Variants in ZNF142 observed in about 807,000 individuals in gnomAD.
The protein encoded by ZNF142 is zinc finger protein 142, also known as zinc finger protein 142 (clone pHZ-49).
ZNF142 carries 96 observed loss-of-function variants against 132.1 expected under a neutral mutation model. The ratio of observed to expected loss-of-function variants is 0.73; its 90% CI spans 0.62 to 0.86. The LOEUF is 0.86. Ranked by LOEUF, ZNF142 falls within the 40% of genes least tolerant of loss-of-function variation. The pLI is 0.00. For missense variants in ZNF142, 2,163 were observed against 2,336.2 expected (o/e 0.93, Z 1.53); for synonymous variants, 842 against 890.1 (o/e 0.95, Z 0.96).
chr2:218,646,343 T>A lies in ZNF142; in HGVS notation c.1879A>T (p.Lys627Ter). 1 of 1,614,110 alleles carries A rather than the reference T, an allele frequency of 6.2e-7. No individual in the cohort carries two copies. The highest frequency in any genetic ancestry group is 8.5e-7 in the Non-Finnish European group (1 of 1,180,004). ...TCACACAGCTCACACTTGTGGGGCT[T>A]CTCACCTTATATGGGGGATGCGGAT... is the stretch of plus-strand genomic sequence containing the variant. Reference protein sequence around the residue: ...IRHMLLHTGEKPHKCELCDFT... With the variant: ...IRHMLLHTGE Residue 627 changes from lysine (K) to a stop codon, truncating the protein, a stop_gained, in exon 8 of 11, where the codon AAG becomes TAG. Transcript: ENST00000411696. LOFTEE classifies it high-confidence loss of function.
At position 218,638,744 on chromosome 2, in the gene ZNF142, C is replaced by T; in HGVS notation, c.5259G>A (p.Val1753=). ...CTTCTCGATGCCGGGTCTCCTGGTG[C>T]ACACGCAGTGCATCAGCCCGGTTGG... is the stretch of plus-strand genomic sequence containing the variant. ...YCTNRADALR[V]HQETRHREAR... is the part of the protein sequence containing the mutation. The change falls in exon 11 of 11, where the codon GTG becomes GTA. Residue 1753 remains valine, a synonymous_variant. Coordinates refer to ENST00000411696, the MANE Select transcript of ZNF142 (RefSeq NM_001379659.1). 6.2e-7 allele frequency: 1 copy of T among 1,612,484 alleles called. No homozygotes were observed. Among genetic ancestry groups the T allele is most frequent in the Non-Finnish European group, 8.5e-7 (1 of 1,180,020 alleles).
chr2:218,646,312 G>A lies in ZNF142; in HGVS notation c.1910C>T (p.Thr637Ile). ...KPHKCELCDF[T>I]CRDVSYLSKH... ...GGATAGGTAGCTCACGTCTCGGCAT[G>A]TGAAGTCACACAGCTCACACTTGTG... Residue 637 changes from threonine (T) to isoleucine (I), a missense_variant, in exon 8 of 11, where the codon ACA (threonine) becomes ATA (isoleucine). By Grantham distance (89) the Thr-to-Ile change is moderately conservative. This residue lies in a region of ZNF142 where 749 missense variants were observed against 830.3 expected (regional missense o/e 0.90). Coordinates refer to ENST00000411696, the MANE Select transcript of ZNF142 (RefSeq NM_001379659.1). 1 of 1,614,232 alleles carries A rather than the reference G, an allele frequency of 6.2e-7. No homozygotes were observed. The highest frequency in any genetic ancestry group is 8.5e-7 in the Non-Finnish European group (1 of 1,180,040).
chr2:218,646,048 C>A, intron 8 of ZNF142, 123 bp downstream of exon 8: 2 of 1,358,744 alleles, frequency 1.5e-6, no homozygotes, highest in Non-Finnish European at 2.0e-6. Context: ...CCATTGCACC[C>A]GGCCTTAGGA....
chr2:218,650,117 C>T (rs996456787), intron 6 of ZNF142, among the ~76,000 whole-genome samples: 2 of 152,226 alleles, frequency 1.3e-5, no homozygotes, highest in Non-Finnish European at 2.9e-5. Context: ...CTAGAGTTTT[C>T]TGCCTGAGGA....
rs1429729189 is a variant in ZNF142, at chr2:218,643,884, G to A, written c.3232C>T (p.Gln1078Ter). 2 of 1,614,064 alleles carry A rather than the reference G, an allele frequency of 1.2e-6. No individual in the cohort carries two copies. The highest frequency in any genetic ancestry group is 1.3e-5 in the African/African-American group (1 of 74,918). Reference protein sequence around the residue: ...CPECGASFKQQRGLSTHLLKK... With the variant: ...CPECGASFKQ Reference sequence around the variant, plus strand: ...AGCAGGTGGGTGCTGAGGCCGCGTTGTTGCTTGAAGCTAGCCCCACACTCG... The same window carrying A: ...AGCAGGTGGGTGCTGAGGCCGCGTTATTGCTTGAAGCTAGCCCCACACTCG... The change falls in exon 9 of 11, where the codon CAA becomes TAA. Residue 1078 changes from glutamine (Q) to a stop codon, truncating the protein, a stop_gained. Coordinates refer to ENST00000411696, the MANE Select transcript of ZNF142 (RefSeq NM_001379659.1). LOFTEE classifies it high-confidence loss of function.
chr2:218,636,427 C>T lies in ZNF142; in HGVS notation c.*1912G>A. The T allele has an allele frequency of 6.2e-7, 1 of 1,614,012 alleles. No homozygotes were observed. The highest frequency in any genetic ancestry group is 1.3e-5 in the African/African-American group (1 of 75,060). On this transcript the variant is annotated 3_prime_UTR_variant, in exon 11 of 11. Transcript: ENST00000411696. ...CCCCTTTGGCCCCTGGCCAATACCC[C>T]AGCTCTGGCTGCCTTCCTAATGCTG...
At position 218,646,210 on chromosome 2, in the gene ZNF142, T is replaced by C. The variant is rs757693775; in HGVS notation, c.2012A>G (p.Tyr671Cys). Residue 671 changes from tyrosine to cysteine, a missense_variant, in exon 8 of 11, where the codon TAC becomes TGC. Tyr to Cys is a radical substitution (Grantham distance 194). Around this residue, in one of 7 missense-constraint regions of ZNF142, gnomAD observed 749 missense variants for 830.3 expected, o/e 0.90. Transcript: ENST00000411696. ...ATGTTTTCGCATGTGCACACGGAGGTAGTGCTTCCACTTGGTGACATAGCC... is the reference window on the plus strand; with the variant it reads ...ATGTTTTCGCATGTGCACACGGAGGCAGTGCTTCCACTTGGTGACATAGCC... ...ECGYVTKWKH[Y>C]LRVHMRKHAG... The C allele has an allele frequency of 3.1e-6, 5 of 1,614,050 alleles. No homozygotes were observed. The highest frequency in any genetic ancestry group is 3.4e-6 in the Non-Finnish European group (4 of 1,180,010).
Position 218,650,422 on chromosome 2 carries a change from T to C in ZNF142, c.985A>G (p.Ser329Gly). The stretch of plus-strand genomic sequence containing the variant: ...TTTTGGGAGTCCTTCTGGGTGTCAC[T>C]CTTCTCTTCTTTCTCTACATTCTCC... ...EEENVEKEEK[S>G]DTQKDSQKAV... Residue 329 changes from serine to glycine, a missense_variant, in exon 6 of 11, where the codon AGT becomes GGT. By Grantham distance (56) the Ser-to-Gly change is moderately conservative. Coordinates refer to ENST00000411696, the MANE Select transcript of ZNF142 (RefSeq NM_001379659.1). The C allele has an allele frequency of 1.9e-6, 3 of 1,614,220 alleles. No individual in the cohort carries two copies. The highest frequency in any genetic ancestry group is 2.5e-6 in the Non-Finnish European group (3 of 1,180,032).
At position 218,644,416 on chromosome 2, in the gene ZNF142, C is replaced by T; in HGVS notation, c.2700G>A (p.Leu900=). Residue 900 remains leucine, a synonymous_variant, in exon 9 of 11, where the codon CTG becomes CTA. Coordinates refer to ENST00000411696, the MANE Select transcript of ZNF142 (RefSeq NM_001379659.1). This position sits in a 1 kb window ranked among gnomAD's most constrained non-coding sequence, Gnocchi z 4.6. ...EGSCTLHLEA[L]GVELESVTEP... is the part of the protein sequence containing the mutation. ...CAGTCACAGACTCCAGCTCTACTCC[C>T]AGGGCCTCTAGGTGTAGTGTGCAGC... is the stretch of plus-strand genomic sequence containing the variant. 6.2e-7 allele frequency: 1 copy of T among 1,614,136 alleles called. No individual in the cohort carries two copies. Among genetic ancestry groups the T allele is most frequent in the Non-Finnish European group, 8.5e-7 (1 of 1,179,994 alleles).
At position 218,645,054 on chromosome 2, in the gene ZNF142, T is replaced by C. The variant is rs551820905; in HGVS notation, c.2062A>G (p.Asn688Asp). Residue 688 changes from asparagine (N) to aspartate (D), a missense_variant, in exon 9 of 11, where the codon AAC becomes GAC. By Grantham distance (23) the Asn-to-Asp change is conservative (BLOSUM62 1). This residue lies in a region of ZNF142 where 749 missense variants were observed against 830.3 expected (regional missense o/e 0.90). Transcript: ENST00000411696. ...KHAGDLRYQC[N>D]QCSYRCHRAD... Reference sequence around the variant, plus strand: ...CGGTGACAGCGATAGGAGCACTGGTTGCACTGATACCTGGCAAGGAGGGAA... The same window carrying C: ...CGGTGACAGCGATAGGAGCACTGGTCGCACTGATACCTGGCAAGGAGGGAA... The C allele has an allele frequency of 6.2e-7, 1 of 1,608,000 alleles. No individual in the cohort carries two copies. Among genetic ancestry groups the C allele is most frequent in the South Asian group, 1.1e-5 (1 of 91,032 alleles).
At position 218,643,816 on chromosome 2, in the gene ZNF142, G is replaced by A. The variant is rs1439355025; in HGVS notation, c.3300C>T (p.Pro1100=). ...PVLLRKNKGL[P]RPDSPIPLQP... ...GCAGAGGGATGGGTGAATCTGGTCTGGGCAAGCCCTTGTTCTTTCTGAGTA... is the reference window on the plus strand; with the variant it reads ...GCAGAGGGATGGGTGAATCTGGTCTAGGCAAGCCCTTGTTCTTTCTGAGTA... The change falls in exon 9 of 11, where the codon CCC becomes CCT. Residue 1100 remains proline (P), a synonymous_variant. Transcript: ENST00000411696. The A allele has an allele frequency of 2.5e-6, 4 of 1,612,696 alleles. No homozygotes were observed. Among genetic ancestry groups the A allele is most frequent in the Middle Eastern group, 1.7e-4 (1 of 6,060 alleles).
In ZNF142 at chr2:218,635,723, C is replaced by A; in HGVS notation, c.*2616G>T. ...TACAAACCAAAAAGCTTCTTCTCCC[C>A]TGGGGTTGGGAGTAGGGTCGGGTGG... On this transcript the variant is annotated 3_prime_UTR_variant, in exon 11 of 11. Coordinates refer to ENST00000411696, the MANE Select transcript of ZNF142 (RefSeq NM_001379659.1). The A allele has an allele frequency of 6.5e-7, 1 of 1,533,812 alleles. No individual in the cohort carries two copies. Among genetic ancestry groups the A allele is most frequent in the South Asian group, 1.2e-5 (1 of 81,456 alleles).
At chr2:218,652,363 A>C (rs547764141) in intron 4 of ZNF142, 63 bp from the exon 5 acceptor site, 21 of 452,324 alleles carry the variant, frequency 4.6e-5, no homozygotes, top group South Asian at 3.0e-4. Context: ...CATAGGAGTT[A>C]GTTACTAGTA....
Position 218,644,185 on chromosome 2 carries a change from G to A in ZNF142, c.2931C>T (p.Asn977=). ...TTGTCTTGAAGGTTCCTACCCAGTTGTTAGGAGCCTCCTCTAAGGATGGAG... is the reference window on the plus strand; with the variant it reads ...TTGTCTTGAAGGTTCCTACCCAGTTATTAGGAGCCTCCTCTAAGGATGGAG... ...TNPPSLEEAP[N]NWVGTFKTTP... The change falls in exon 9 of 11, where the codon AAC becomes AAT. Residue 977 remains asparagine (N), a synonymous_variant. Transcript: ENST00000411696. This position sits in a 1 kb window ranked among gnomAD's most constrained non-coding sequence, Gnocchi z 4.6. The A allele has an allele frequency of 1.2e-6, 2 of 1,614,110 alleles. No individual in the cohort carries two copies.
rs770216957 is a variant in ZNF142, at chr2:218,644,647, G to A, written c.2469C>T (p.Pro823=). ...EPEGAMQGPT[P]PPDSEPSNQL... ...GGTTTGAGGGCTCTGAATCTGGTGGGGGTGTTGGGCCCTGCATGGCCCCTT... is the reference window on the plus strand; with the variant it reads ...GGTTTGAGGGCTCTGAATCTGGTGGAGGTGTTGGGCCCTGCATGGCCCCTT... Residue 823 remains proline (P), a synonymous_variant, in exon 9 of 11, where the codon CCC becomes CCT. Transcript: ENST00000411696. The surrounding 1 kb of genome is among the most constrained non-coding windows in gnomAD (Gnocchi z 4.6). 1 of 1,614,232 alleles carries A rather than the reference G, an allele frequency of 6.2e-7. No individual in the cohort carries two copies. Among genetic ancestry groups the A allele is most frequent in the South Asian group, 1.1e-5 (1 of 91,090 alleles).
chr2:218,656,325 T>A lies in ZNF142; in HGVS notation c.105A>T (p.Gly35=), dbSNP rs1559307366. ...AGGGGCTCTGGACAGGCCCCAGGAT[T>A]CCACGGTTAGAGAGAGGCGGGGGGA... ...LLIPPPLSNR[G]ILGPVQSPCP... is the part of the protein sequence containing the mutation. The change falls in exon 4 of 11, where the codon GGA becomes GGT. Residue 35 remains glycine (G), a synonymous_variant. Coordinates refer to ENST00000411696, the MANE Select transcript of ZNF142 (RefSeq NM_001379659.1). 10 of 1,602,064 alleles carry A rather than the reference T, an allele frequency of 6.2e-6. No individual in the cohort carries two copies. Among genetic ancestry groups the A allele is most frequent in the Non-Finnish European group, 8.5e-6 (10 of 1,173,108 alleles).
chr2:218,634,000 G>A lies in ZNF142; in HGVS notation c.*4339C>T. 2 of 1,460,242 alleles carry A rather than the reference G, an allele frequency of 1.4e-6. No individual in the cohort carries two copies. The highest frequency in any genetic ancestry group is 1.9e-6 in the Non-Finnish European group (2 of 1,080,876). The allele number at this position is 1,460,242 out of a possible 1,614,324, so 90.5% of individuals were successfully genotyped here. A position where few individuals can be genotyped will look rare whatever the true frequency, so the allele number is the denominator to read the frequency against. On this transcript the variant is annotated 3_prime_UTR_variant, in exon 11 of 11. Coordinates refer to ENST00000411696, the MANE Select transcript of ZNF142 (RefSeq NM_001379659.1). ...GGCACAGTGAAACTTTCTGGAGCCA[G>A]CTTCAGATGCTGGAGAGAAGGGTGA...
intron 4 of ZNF142, among the ~76,000 whole-genome samples, chr2:218,654,180 G>A (rs6747210): frequency 6.6e-6 from 1 of 152,008 alleles, no homozygotes; most frequent in African/African-American, 2.4e-5. Context: ...CTGTAATTCC[G>A]GTGTCTTTGT....
At position 218,644,983 on chromosome 2, in the gene ZNF142, A is replaced by G; in HGVS notation, c.2133T>C (p.Ser711=). 1 of 1,614,108 alleles carries G rather than the reference A, an allele frequency of 6.2e-7. No individual in the cohort carries two copies. The highest frequency in any genetic ancestry group is 8.5e-7 in the Non-Finnish European group (1 of 1,180,006). The change falls in exon 9 of 11, where the codon TCT becomes TCC. Residue 711 remains serine, a synonymous_variant. Transcript: ENST00000411696. This position sits in a 1 kb window ranked among gnomAD's most constrained non-coding sequence, Gnocchi z 4.6. ...SSHKLRHQGK[S]LMCEVCAFAC... ...CGAAGGCACACACCTCACACATCAG[A>G]GACTTGCCCTGATGCCGCAGCTTGT... is the stretch of plus-strand genomic sequence containing the variant.
Sources: allele counts gnomAD v4.1 joint callset (sites outside exome capture counted in the v4.1 genomes callset), GRCh38; gene constraint gnomAD v4.1.1; regional missense constraint gnomAD v4.1.1; non-coding constraint Gnocchi (gnomAD v3.1); transcripts MANE v1.5; gene names NCBI Gene and HGNC (gene_info 2026-07-23, HGNC 2026-07-21).